The following CEP112 variants were observed in gnomAD, a reference collection of about 807,000 sequenced individuals.
CEP112 encodes the protein centrosomal protein of 112 kDa.
Under a neutral mutation model 153.0 loss-of-function variants are expected in CEP112, and 127 were observed. The observed-to-expected ratio is 0.83, with a 90% CI of 0.72 to 0.96. CEP112 has a LOEUF of 0.96. Among genes scored for constraint, CEP112 ranks in the 40% least tolerant of loss-of-function variants. CEP112 has a pLI of 0.00. For synonymous variants in CEP112, 358 were observed against 374.4 expected (o/e 0.96, Z 0.51); for missense variants, 1,089 against 1,101.2 (o/e 0.99, Z 0.16).
chr17:65,827,041 C>G (rs1407965203), intron 21 of CEP112, among the ~76,000 whole-genome samples: 1 of 152,210 alleles, frequency 6.6e-6, no homozygotes, highest in Non-Finnish European at 1.5e-5. Context: ...GTCTTCTGGC[C>G]TTCATCTTTC....
At chr17:65,732,138 T>C (rs1388294474) in intron 23 of CEP112, among the ~76,000 whole-genome samples, 1 of 152,194 alleles carries the variant, frequency 6.6e-6, no homozygotes, top group Non-Finnish European at 1.5e-5. Flanking sequence ...ATAAGAAGAC[T>C]TGAAAGTTGA....
At chr17:65,837,803 C>G (rs970856985) in intron 21 of CEP112, among the ~76,000 whole-genome samples, 1 of 152,194 alleles carries the variant, frequency 6.6e-6, no homozygotes, top group Non-Finnish European at 1.5e-5. Context: ...ACCCCGTGCT[C>G]TCTGAAACAT....
In CEP112 at chr17:66,151,497, C is replaced by A. The variant is rs558701399; in HGVS notation, c.471-18734G>T. On this transcript the variant is annotated intron_variant, in intron 4 of 26. Transcript: ENST00000535342. Reference sequence around the variant, plus strand: ...CTTGAGTATAGTCTGGACCTAGAAACTTGCTTTTAATAAACAGAATCCGAC... The same window carrying A: ...CTTGAGTATAGTCTGGACCTAGAAAATTGCTTTTAATAAACAGAATCCGAC... 7.9e-5 allele frequency among the ~76,000 whole-genome samples: 12 copies of A among 152,290 alleles called. No individual in the cohort carries two copies. In the South Asian group the frequency reaches 2.5e-3, roughly 32 times the overall value.
intron 24 of CEP112, among the ~76,000 whole-genome samples, chr17:65,679,745 C>T (rs2047421151): frequency 6.6e-6 from 1 of 152,150 alleles, no homozygotes; most frequent in Admixed American, 6.5e-5. Flanking sequence ...ATAAGCAGTG[C>T]TATCCACTGA....
chr17:66,049,799 T>C (rs149279796), intron 12 of CEP112, among the ~76,000 whole-genome samples: 281 of 152,044 alleles, frequency 1.8e-3, no homozygotes, highest in African/African-American at 6.6e-3. Context: ...GTATAAAAAA[T>C]AATCACTGAA....
chr17:65,726,254 G>A lies in CEP112; in HGVS notation c.2607+16814C>T, dbSNP rs142232823. On this transcript the variant is annotated intron_variant, in intron 23 of 26. Coordinates refer to ENST00000535342, the MANE Select transcript of CEP112 (RefSeq NM_001199165.4). ...CTTGGGAGGCTGAGGCAGGAGAATCGTTTGAACCCGGGAGGCAGAGGTTGC... is the reference window on the plus strand; with the variant it reads ...CTTGGGAGGCTGAGGCAGGAGAATCATTTGAACCCGGGAGGCAGAGGTTGC... Among the ~76,000 whole-genome samples, 23 of 152,036 alleles carry A rather than the reference G, an allele frequency of 1.5e-4. No individual in the cohort carries two copies. The East Asian group carries it at 1.7e-3, about 12-fold the overall frequency.
intron 16 of CEP112, among the ~76,000 whole-genome samples, chr17:66,017,090 T>C (rs928930254): frequency 6.6e-6 from 1 of 152,224 alleles, no homozygotes; most frequent in African/African-American, 2.4e-5. Flanking sequence ...TATTATTACT[T>C]CCTCAGATTG....
At chr17:65,826,503 C>T in intron 21 of CEP112, 1 of 1,413,936 alleles carries the variant, frequency 7.1e-7, no homozygotes, top group African/African-American at 1.5e-5. Flanking sequence ...ATAGTGACAT[C>T]ACAACCACAC....
At chr17:65,994,882 C>A (rs1398582684) in intron 17 of CEP112, among the ~76,000 whole-genome samples, 1 of 152,160 alleles carries the variant, frequency 6.6e-6, no homozygotes, top group African/African-American at 2.4e-5. Context: ...GGTTCTCTTT[C>A]TCTCTCTGGT....
intron 6 of CEP112, among the ~76,000 whole-genome samples, chr17:66,118,934 G>C (rs1411744108): frequency 6.6e-6 from 1 of 151,896 alleles, no homozygotes; most frequent in Non-Finnish European, 1.5e-5. Flanking sequence ...GCAAAGACAT[G>C]GAATCAACCC....
intron 17 of CEP112, among the ~76,000 whole-genome samples, chr17:66,003,804 A>C (rs66871982): frequency 0.41 from 62,372 of 151,862 alleles, 14,266 homozygotes; most frequent in East Asian, 0.87. Context: ...CTGTGCCAGC[A>C]AGAGATTTAG....
chr17:65,682,186 G>C (rs1336077309), intron 24 of CEP112, among the ~76,000 whole-genome samples: 1 of 151,430 alleles, frequency 6.6e-6, no homozygotes, highest in Non-Finnish European at 1.5e-5. Context: ...TAGAGACAGG[G>C]TTTCAACATC....
chr17:65,652,119 A>G (rs1405660060), intron 24 of CEP112, among the ~76,000 whole-genome samples: 1 of 152,226 alleles, frequency 6.6e-6, no homozygotes, highest in Non-Finnish European at 1.5e-5. Context: ...TTTATATTTT[A>G]TCAATCATTG....
intron 21 of CEP112, among the ~76,000 whole-genome samples, chr17:65,822,925 A>G (rs1483465937): frequency 1.3e-5 from 2 of 152,154 alleles, no homozygotes; most frequent in African/African-American, 4.8e-5. Context: ...ACATTAAAAC[A>G]TCTATTATAT....
At chr17:66,050,946 G>C (rs1300845861) in intron 12 of CEP112, among the ~76,000 whole-genome samples, 1 of 152,072 alleles carries the variant, frequency 6.6e-6, no homozygotes, top group Non-Finnish European at 1.5e-5. Flanking sequence ...CCATGGAAGG[G>C]AATGGAGGCC....
chr17:66,037,715 AG>A (rs2065796719), intron 12 of CEP112, among the ~76,000 whole-genome samples: 1 of 152,144 alleles, frequency 6.6e-6, no homozygotes, highest in African/African-American at 2.4e-5. Context: ...AGAAATAAAA[AG>A]GACAGGCCCC....
chr17:65,977,334 T>C (rs865950560), intron 17 of CEP112, among the ~76,000 whole-genome samples: 18 of 152,184 alleles, frequency 1.2e-4, no homozygotes, highest in African/African-American at 4.3e-4. Context: ...AGCTTCTGCA[T>C]TGAGTCAGTC....
At chr17:65,879,811 AAAAACATT>A (rs2058991672) in intron 20 of CEP112, among the ~76,000 whole-genome samples, 1 of 151,838 alleles carries the variant, frequency 6.6e-6, no homozygotes, top group African/African-American at 2.4e-5. Flanking sequence ...GCAAATCTAA[AAAAACATT>A]GAGTGAAAAG....
At chr17:65,738,671 G>A (rs2050943653) in intron 23 of CEP112, among the ~76,000 whole-genome samples, 1 of 152,070 alleles carries the variant, frequency 6.6e-6, no homozygotes, top group Admixed American at 6.5e-5. Flanking sequence ...ATGAGCATAT[G>A]ACATTTCTAC....
Sources: allele counts gnomAD v4.1 joint callset (sites outside exome capture counted in the v4.1 genomes callset), GRCh38; gene constraint gnomAD v4.1.1; transcripts MANE v1.5; gene names NCBI Gene and HGNC (gene_info 2026-07-23, HGNC 2026-07-21).